The following PLCD4 variants were observed in gnomAD, a reference collection of about 807,000 sequenced individuals.
PLCD4 encodes the protein 1-phosphatidylinositol 4,5-bisphosphate phosphodiesterase delta-4.
Under a neutral mutation model 90.2 loss-of-function variants are expected in PLCD4, and 63 were observed. The observed-to-expected ratio is 0.70, with a 90% CI of 0.57 to 0.86. PLCD4 has a LOEUF of 0.86. Among genes scored for constraint, PLCD4 ranks in the 40% least tolerant of loss-of-function variants. PLCD4 has a pLI of 0.00. For synonymous variants in PLCD4, 294 were observed against 356.5 expected, an observed-to-expected ratio of 0.82 and a Z score of 1.97; for missense variants, 830 against 956.3, an observed-to-expected ratio of 0.87 and a Z score of 1.74.
Position 218,633,697 on chromosome 2 carries a change from C to T in PLCD4, c.1542C>T (p.His514=). 1 of 1,613,960 alleles carries T rather than the reference C, an allele frequency of 6.2e-7. No homozygotes were observed. The highest frequency in any genetic ancestry group is 2.2e-5 in the East Asian group (1 of 44,888). Residue 514 remains histidine (H), a synonymous_variant, in exon 11 of 16, where the codon CAC becomes CAT. Transcript: ENST00000450993. Reference sequence around the variant, plus strand: ...GCAGCTTCACACATTCAAAGGAGCACTACCACTTCTACGAGATATCATCTT... The same window carrying T: ...GCAGCTTCACACATTCAAAGGAGCATTACCACTTCTACGAGATATCATCTT... ...SFRSFTHSKE[H]YHFYEISSFS...
At chr2:218,635,685 A>G in intron 13 of PLCD4, 111 bp from the exon 14 acceptor site, 2 of 1,386,672 alleles carry the variant, frequency 1.4e-6, no homozygotes, top group Non-Finnish European at 9.7e-7. Context: ...TATATTACCC[A>G]TGGAGGATGT....
Position 218,632,330 on chromosome 2 carries a change from T to C in PLCD4, c.1449+18T>C. 1 of 1,591,392 alleles carries C rather than the reference T, an allele frequency of 6.3e-7. No individual in the cohort carries two copies. The highest frequency in any genetic ancestry group is 8.5e-7 in the Non-Finnish European group (1 of 1,169,766). ...AAAAGAAGGTAAGCCAGGAGTGGTC[T>C]TTCTGCTGTGGTATTTAGTCAACTT... On this transcript the variant is annotated intron_variant, in intron 10 of 15. Coordinates refer to ENST00000450993, the MANE Select transcript of PLCD4 (RefSeq NM_032726.4).
chr2:218,630,460 G>C (rs1696311769), intron 8 of PLCD4, among the ~76,000 whole-genome samples, 190 bp from the exon 9 acceptor site: 1 of 152,186 alleles, frequency 6.6e-6, no homozygotes, highest in Non-Finnish European at 1.5e-5. Flanking sequence ...TTTAGATGTG[G>C]GCAGTGTCGC....
At position 218,628,322 on chromosome 2, in the gene PLCD4, G is replaced by A. The variant is rs577365149; in HGVS notation, c.974+92G>A. The A allele has an allele frequency of 5.3e-5, 70 of 1,308,710 alleles. No individual in the cohort carries two copies. In the South Asian group the frequency reaches 8.5e-4, roughly 16 times the overall value. The allele number at this position is 1,308,710 out of a possible 1,614,324, so 81.1% of individuals were successfully genotyped here. On this transcript the variant is annotated intron_variant, in intron 7 of 15. Transcript: ENST00000450993. ...TCAGTGTCTAACAGATTGGGACAGT[G>A]TTGTGGGGGTTTAGGGGCTGAGGAG...
chr2:218,620,193 T>G (rs879418584), intron 4 of PLCD4, among the ~76,000 whole-genome samples: 1 of 152,076 alleles, frequency 6.6e-6, no homozygotes, highest in Non-Finnish European at 1.5e-5. Context: ...AAAGTAAACT[T>G]TAAAAAATTA....
At position 218,628,174 on chromosome 2, in the gene PLCD4, C is replaced by A. The variant is rs568106701; in HGVS notation, c.918C>A (p.Asn306Lys). Residue 306 changes from asparagine (N) to lysine (K), a missense_variant, in exon 7 of 16, where the codon AAC becomes AAA. Asn to Lys is a moderately conservative substitution (Grantham distance 94, BLOSUM62 0). Coordinates refer to ENST00000450993, the MANE Select transcript of PLCD4 (RefSeq NM_032726.4). ...LNHYFICSSH[N>K]TYLVGDQLCG... ...ACTACTTCATCTGCTCTTCTCATAA[C>A]ACCTACCTAGTGGGGGACCAGCTTT... is the stretch of plus-strand genomic sequence containing the variant. The A allele has an allele frequency of 6.2e-7, 1 of 1,614,054 alleles. No individual in the cohort carries two copies. Among genetic ancestry groups the A allele is most frequent in the East Asian group, 2.2e-5 (1 of 44,890 alleles).
chr2:218,623,006 C>T, intron 6 of PLCD4, 128 bp downstream of exon 6: 1 of 775,636 alleles, frequency 1.3e-6, no homozygotes, highest in Non-Finnish European at 2.1e-6. Context: ...GACCCCTGCC[C>T]AATCATCTCA....
chr2:218,614,195 AT>A (rs1695475377), intron 1 of PLCD4, among the ~76,000 whole-genome samples: 1 of 150,844 alleles, frequency 6.6e-6, no homozygotes, highest in South Asian at 2.1e-4. Flanking sequence ...AATTTTTTGT[AT>A]TTTTAGTAGA....
chr2:218,634,763 C>T lies in PLCD4; in HGVS notation c.1896+133C>T, dbSNP rs1197385713. The T allele has an allele frequency of 2.1e-5, 23 of 1,103,612 alleles. No homozygotes were observed. Among genetic ancestry groups the T allele is most frequent in the Non-Finnish European group, 3.0e-5 (23 of 769,344 alleles). 68.4% of individuals were successfully genotyped at this position (1,103,612 alleles called of 1,614,324 possible). On this transcript the variant is annotated intron_variant, in intron 13 of 15. Coordinates refer to ENST00000450993, the MANE Select transcript of PLCD4 (RefSeq NM_032726.4). This position sits in a 1 kb window ranked among gnomAD's most constrained non-coding sequence, Gnocchi z 4.0. ...AGTGTCTAGTTTTAGCTTTTGGAGCCAGCTGCCTAGCTTCAAACCACAACT... is the reference window on the plus strand; with the variant it reads ...AGTGTCTAGTTTTAGCTTTTGGAGCTAGCTGCCTAGCTTCAAACCACAACT...
chr2:218,635,996 C>T lies in PLCD4; in HGVS notation c.2032+65C>T, dbSNP rs1696718421. On this transcript the variant is annotated intron_variant, in intron 14 of 15. Coordinates refer to ENST00000450993, the MANE Select transcript of PLCD4 (RefSeq NM_032726.4). ...ATGATTAGTTTTCCTTCTAGTCTGT[C>T]TTCCATTAAGTATAGCATCTGTTAT... 1.7e-5 allele frequency: 28 copies of T among 1,607,762 alleles called. No homozygotes were observed. In the South Asian group the frequency reaches 3.0e-4, roughly 17 times the overall value.
At position 218,617,943 on chromosome 2, in the gene PLCD4, C is replaced by T. The variant is rs1284224262; in HGVS notation, c.182-636C>T. Reference sequence around the variant, plus strand: ...TACTAAAAAAATACAGAAAATTAGCCGGGCATGGTGGTGGGCACCTGTAGT... The same window carrying T: ...TACTAAAAAAATACAGAAAATTAGCTGGGCATGGTGGTGGGCACCTGTAGT... On this transcript the variant is annotated intron_variant, in intron 3 of 15. Coordinates refer to ENST00000450993, the MANE Select transcript of PLCD4 (RefSeq NM_032726.4). Among the ~76,000 whole-genome samples the T allele has an allele frequency of 3.3e-5, 5 of 151,914 alleles. No individual in the cohort carries two copies. In the South Asian group the frequency reaches 6.3e-4, roughly 19 times the overall value.
At position 218,634,295 on chromosome 2, in the gene PLCD4, A is replaced by G; in HGVS notation, c.1723+74A>G. On this transcript the variant is annotated intron_variant, in intron 12 of 15. Transcript: ENST00000450993. This position sits in a 1 kb window ranked among gnomAD's most constrained non-coding sequence, Gnocchi z 4.0. Reference sequence around the variant, plus strand: ...GGGAAATAAGTTCTCTAGTGATGGTAGGGTTGGGGAATGCTCAAGAAAATT... The same window carrying G: ...GGGAAATAAGTTCTCTAGTGATGGTGGGGTTGGGGAATGCTCAAGAAAATT... 6.4e-7 allele frequency: 1 copy of G among 1,573,082 alleles called. No homozygotes were observed. The highest frequency in any genetic ancestry group is 8.6e-7 in the Non-Finnish European group (1 of 1,159,406).
Position 218,629,379 on chromosome 2 carries a change from G to C in PLCD4, c.975-140G>C. ...AGCAGTGTCCCCATGGATGGAGAAGGCTCTATGCAGATGTAGCTTGAAGGG... is the reference window on the plus strand; with the variant it reads ...AGCAGTGTCCCCATGGATGGAGAAGCCTCTATGCAGATGTAGCTTGAAGGG... On this transcript the variant is annotated intron_variant, in intron 7 of 15. Coordinates refer to ENST00000450993, the MANE Select transcript of PLCD4 (RefSeq NM_032726.4). 8.4e-6 allele frequency: 8 copies of C among 953,752 alleles called. 1 individual carries two copies. The highest frequency in any genetic ancestry group is 3.3e-5 in the South Asian group (2 of 59,734). 59.1% of individuals were successfully genotyped at this position (953,752 alleles called of 1,614,324 possible).
chr2:218,616,960 A>AGAGAGAGAGAG (rs1695635976), intron 3 of PLCD4, among the ~76,000 whole-genome samples: 2 of 92,664 alleles, frequency 2.2e-5, no homozygotes, highest in Admixed American at 1.1e-4. Flanking sequence ...AGAGAGAGAG[A>AGAGAGAGAGAG]GAGAGAGAGA....
intron 9 of PLCD4, among the ~76,000 whole-genome samples, chr2:218,631,240 C>T (rs1333295984): frequency 2.6e-5 from 4 of 152,098 alleles, no homozygotes; most frequent in Admixed American, 2.6e-4. Context: ...TCTCAGCTCA[C>T]TACAACCTCT....
intron 10 of PLCD4, chr2:218,633,198 T>A (rs1208269845): frequency 3.4e-6 from 2 of 587,200 alleles, no homozygotes; most frequent in East Asian, 5.6e-5. Context: ...TCATGTACAT[T>A]TTGACCAAAG....
In PLCD4 at chr2:218,615,989, A is replaced by C; in HGVS notation, c.108A>C (p.Arg36Ser). The change falls in exon 3 of 16, where the codon AGA (arginine) becomes AGC (serine). Residue 36 changes from arginine (R) to serine (S), a missense_variant. Arg to Ser is a moderately radical substitution (Grantham distance 110, BLOSUM62 -1). Transcript: ENST00000450993. ...KVRSKSWKKL[R>S]YFRLQNDGMT... Reference sequence around the variant, plus strand: ...GGTCCAAAAGCTGGAAGAAGCTAAGATACTTCAGACTTCAGAATGACGGCA... The same window carrying C: ...GGTCCAAAAGCTGGAAGAAGCTAAGCTACTTCAGACTTCAGAATGACGGCA... The C allele has an allele frequency of 6.2e-7, 1 of 1,614,042 alleles. No individual in the cohort carries two copies. The highest frequency in any genetic ancestry group is 8.5e-7 in the Non-Finnish European group (1 of 1,179,900).
chr2:218,630,038 G>A (rs192777955), intron 8 of PLCD4, among the ~76,000 whole-genome samples: 18 of 152,208 alleles, frequency 1.2e-4, no homozygotes, highest in Non-Finnish European at 1.8e-4. Context: ...TTAGCTGGGC[G>A]TGGTAGTGCA....
At chr2:218,633,117 T>C in intron 10 of PLCD4, 2 of 452,710 alleles carry the variant, frequency 4.4e-6, no homozygotes, top group South Asian at 6.2e-5. Context: ...AAGATATTAC[T>C]CTGGGACTCT....
Sources: gnomAD v4.1 joint callset for allele counts (sites outside exome capture counted in the v4.1 genomes callset) on GRCh38, gnomAD v4.1.1 for gene constraint, Gnocchi (gnomAD v3.1) non-coding constraint, MANE v1.5 for transcripts, NCBI Gene and HGNC (gene_info 2026-07-23, HGNC 2026-07-21) for gene names.